The following NRXN3 variants were observed in gnomAD, a reference collection of about 807,000 sequenced individuals.
NRXN3 encodes the protein neurexin III.
Under a neutral mutation model 137.6 loss-of-function variants are expected in NRXN3, and 32 were observed. The observed-to-expected ratio is 0.23, with a 90% confidence interval of 0.18 to 0.31. The LOEUF is 0.31. NRXN3 is among the 10% of genes least tolerant of loss of function. The probability of loss-of-function intolerance (pLI) is 1.00; values close to 1 mark genes in which losing one functional copy is unlikely to be tolerated. For missense variants in NRXN3, 1,574 were observed against 2,062.5 expected, an observed-to-expected ratio of 0.76 and a Z score of 4.59; for synonymous variants, 798 against 784.5, an observed-to-expected ratio of 1.02 and a Z score of -0.29.
intron 15 of NRXN3, among the ~76,000 whole-genome samples, chr14:79,264,424 C>G (rs183725424): frequency 6.6e-6 from 1 of 152,200 alleles, no homozygotes; most frequent in African/African-American, 2.4e-5. Flanking sequence ...GTTTTAGAGG[C>G]TGGAAGTCCA....
At chr14:78,407,375 G>T (rs530528548) in intron 4 of NRXN3, among the ~76,000 whole-genome samples, 39 of 152,180 alleles carry the variant, frequency 2.6e-4, no homozygotes, top group African/African-American at 8.7e-4. Context: ...AGGTGTTTTT[G>T]TTGTTGTTGT....
chr14:78,319,826 T>C (rs1253217570), intron 4 of NRXN3, among the ~76,000 whole-genome samples: 2 of 152,122 alleles, frequency 1.3e-5, no homozygotes, highest in Admixed American at 1.3e-4. Context: ...ATCTGTATAA[T>C]CCCCTGGGAA....
intron 16 of NRXN3, among the ~76,000 whole-genome samples, chr14:79,589,044 C>T (rs1305678665): frequency 6.6e-6 from 1 of 152,080 alleles, no homozygotes; most frequent in East Asian, 1.9e-4. Flanking sequence ...CCCTTGAGCC[C>T]AGGAATTCGA....
chr14:78,455,022 G>A (rs937060619), intron 4 of NRXN3, among the ~76,000 whole-genome samples: 1 of 152,208 alleles, frequency 6.6e-6, no homozygotes. Context: ...GCTCACCCAG[G>A]TCGAGAGTAG....
At chr14:78,573,062 G>A (rs1394391949) in intron 4 of NRXN3, among the ~76,000 whole-genome samples, 1 of 152,146 alleles carries the variant, frequency 6.6e-6, no homozygotes, top group Non-Finnish European at 1.5e-5. Flanking sequence ...TGGTATAAGG[G>A]GGTATAAGAG....
At chr14:78,508,703 A>C (rs977354144) in intron 4 of NRXN3, among the ~76,000 whole-genome samples, 47 of 152,280 alleles carry the variant, frequency 3.1e-4, no homozygotes, top group African/African-American at 1.1e-3. Context: ...TAACTGCCCT[A>C]AATGTATCAA....
intron 14 of NRXN3, among the ~76,000 whole-genome samples, chr14:78,976,464 C>T (rs1322080840): frequency 6.6e-6 from 1 of 152,068 alleles, no homozygotes; most frequent in Non-Finnish European, 1.5e-5. Context: ...TCTTTAAAGG[C>T]ATTTTAGAAC....
chr14:78,731,249 C>G (rs978538525), intron 8 of NRXN3, among the ~76,000 whole-genome samples: 3 of 152,012 alleles, frequency 2.0e-5, no homozygotes, highest in Non-Finnish European at 2.9e-5. Flanking sequence ...GATTATAGCT[C>G]TGTTAGGAGT....
intron 4 of NRXN3, among the ~76,000 whole-genome samples, chr14:78,364,827 G>A (rs958495746): frequency 2.0e-5 from 3 of 152,174 alleles, no homozygotes; most frequent in African/African-American, 7.2e-5. Context: ...CAATGAAGTG[G>A]CCGAGCTGTT....
intron 20 of NRXN3, among the ~76,000 whole-genome samples, chr14:79,831,145 TGA>T (rs1226145433): frequency 7.9e-5 from 12 of 152,196 alleles, no homozygotes; most frequent in Admixed American, 6.5e-4. Context: ...TTGGGGGTGA[TGA>T]GAGAATTTTA....
At chr14:78,642,331 A>T (rs1488037738) in intron 4 of NRXN3, among the ~76,000 whole-genome samples, 1 of 152,242 alleles carries the variant, frequency 6.6e-6, no homozygotes, top group Non-Finnish European at 1.5e-5. Context: ...AAAATCCCTT[A>T]TAGCTCTAAA....
chr14:78,463,469 C>T (rs890404572), intron 4 of NRXN3, among the ~76,000 whole-genome samples: 1 of 151,664 alleles, frequency 6.6e-6, no homozygotes, highest in South Asian at 2.1e-4. Flanking sequence ...TTTGAGAAAT[C>T]TCCATACTAT....
intron 10 of NRXN3, among the ~76,000 whole-genome samples, chr14:78,825,212 A>AAAAG (rs2098963127): frequency 2.0e-5 from 3 of 150,692 alleles, no homozygotes; most frequent in East Asian, 3.9e-4. Flanking sequence ...AAAAAAAAAA[A>AAAAG]AAAAAGAAAA....
chr14:79,118,345 G>C (rs2054820399), intron 15 of NRXN3, among the ~76,000 whole-genome samples: 1 of 152,176 alleles, frequency 6.6e-6, no homozygotes, highest in African/African-American at 2.4e-5. Flanking sequence ...GTAGGGCTGT[G>C]CCTTCTGAAA....
chr14:79,829,248 A>G (rs779580370), intron 20 of NRXN3, among the ~76,000 whole-genome samples: 16 of 152,350 alleles, frequency 1.1e-4, no homozygotes, highest in Non-Finnish European at 2.1e-4. Flanking sequence ...TAAAGAAATA[A>G]CACTTTCTCC....
intron 4 of NRXN3, among the ~76,000 whole-genome samples, chr14:78,388,693 A>G (rs1027975238): frequency 2.0e-5 from 3 of 152,282 alleles, no homozygotes; most frequent in African/African-American, 7.2e-5. Context: ...CCCTTTATAG[A>G]GTTAGCTGAC....
Position 79,079,660 on chromosome 14 carries a change from T to C in NRXN3, c.3262+91519T>C, listed in dbSNP as rs1170865760. Among the ~76,000 whole-genome samples, 2 of 152,186 alleles carry C rather than the reference T, an allele frequency of 1.3e-5. 1 individual carries two copies. Among genetic ancestry groups the C allele is most frequent in the South Asian group, 4.1e-4 (2 of 4,836 alleles). On this transcript the variant is annotated intron_variant, in intron 15 of 20. Coordinates refer to ENST00000335750, the MANE Select transcript of NRXN3 (RefSeq NM_001330195.2). ...TAATGTTTCTGCCTCTTTTACTCTT[T>C]GGAAGACGTGCCAATAGGCAGGTAA...
chr14:79,825,206 CT>C (rs11449914), intron 20 of NRXN3, among the ~76,000 whole-genome samples: 37,319 of 117,364 alleles, frequency 0.32, 5,404 homozygotes, highest in Admixed American at 0.42. Flanking sequence ...TCTTTGTGTG[CT>C]TTTTTTTTTT....
At chr14:78,840,843 C>T (rs1334278751) in intron 10 of NRXN3, among the ~76,000 whole-genome samples, 1 of 152,174 alleles carries the variant, frequency 6.6e-6, no homozygotes, top group Non-Finnish European at 1.5e-5. Context: ...ATTCTAGCCA[C>T]AGTAATCAGT....
Sources: allele counts gnomAD v4.1 joint callset (sites outside exome capture counted in the v4.1 genomes callset), GRCh38; gene constraint gnomAD v4.1.1; transcripts MANE v1.5; gene names NCBI Gene and HGNC (gene_info 2026-07-23, HGNC 2026-07-21).